Variants in FHL2 observed in about 807,000 individuals in gnomAD.
FHL2 encodes the protein four and a half LIM domains protein 2.
FHL2 carries 20 observed loss-of-function variants against 32.7 expected under a neutral mutation model. The observed-to-expected ratio is 0.61, with a 90% CI of 0.43 to 0.89. The LOEUF (loss-of-function observed/expected upper bound fraction) is 0.89, where lower values mean the gene tolerates loss of function less well. FHL2 is among the 40% of genes least tolerant of loss of function. The probability of loss-of-function intolerance (pLI) is 0.00; values close to 1 mark genes in which losing one functional copy is unlikely to be tolerated. For synonymous variants in FHL2, 123 were observed against 128.1 expected (o/e 0.96, Z 0.27); for missense variants, 311 against 358.6 (o/e 0.87, Z 1.07).
At chr2:105,370,283 G>T (rs1680954720) in intron 4 of FHL2, among the ~76,000 whole-genome samples, 1 of 152,050 alleles carries the variant, frequency 6.6e-6, no homozygotes, top group Non-Finnish European at 1.5e-5. Context: ...GCTGAGGTGG[G>T]AGGATCATTT....
At position 105,386,430 on chromosome 2, in the gene FHL2, C is replaced by G. The variant is rs201012689; in HGVS notation, c.87G>C (p.Val29=). Residue 29 remains valine, a synonymous_variant, in exon 3 of 7, where the codon GTG becomes GTC. Transcript: ENST00000530340. Reference sequence around the variant, plus strand: ...TGGCGAACAGGGTCTCAAAGCACACCACGCAGTAGGGGCTCTCCTCCCGCA... The same window carrying G: ...TGGCGAACAGGGTCTCAAAGCACACGACGCAGTAGGGGCTCTCCTCCCGCA... ...YILREESPYC[V]VCFETLFANT... 15 of 1,614,116 alleles carry G rather than the reference C, an allele frequency of 9.3e-6. No homozygotes were observed.
At chr2:105,417,197 C>T (rs1683958988) in intron 1 of FHL2, among the ~76,000 whole-genome samples, 2 of 151,190 alleles carry the variant, frequency 1.3e-5, no homozygotes, top group Admixed American at 6.6e-5. Context: ...TCCTGGCTAA[C>T]ACGGTGAAAC....
chr2:105,377,975 A>T (rs997359871), intron 3 of FHL2: 4 of 448,282 alleles, frequency 8.9e-6, no homozygotes, highest in African/African-American at 6.1e-5. Flanking sequence ...ATTTCTAGAA[A>T]ATTTGCCTTT....
intron 1 of FHL2, among the ~76,000 whole-genome samples, chr2:105,429,045 G>A (rs1051385043): frequency 1.2e-4 from 18 of 152,168 alleles, no homozygotes; most frequent in African/African-American, 2.4e-4. Flanking sequence ...AGCCTTTGGC[G>A]TCCTATACTG....
chr2:105,402,081 ATG>A (rs1491145847), upstream of FHL2, among the ~76,000 whole-genome samples: 6 of 149,256 alleles, frequency 4.0e-5, no homozygotes, highest in Non-Finnish European at 8.9e-5. Context: ...ACATGTATAT[ATG>A]TGTATATATA....
chr2:105,428,006 T>A (rs1684315479), intron 1 of FHL2, among the ~76,000 whole-genome samples: 1 of 152,240 alleles, frequency 6.6e-6, no homozygotes, highest in Non-Finnish European at 1.5e-5. Flanking sequence ...ACAGCCCATG[T>A]AAATTCACCT....
rs4619632 is a variant in FHL2, at chr2:105,382,716, C to A, written c.156+3645G>T. On this transcript the variant is annotated intron_variant, in intron 3 of 6. Coordinates refer to ENST00000530340, the MANE Select transcript of FHL2 (RefSeq NM_001318895.3). ...TTATTTTTTTTTTCTCTTTGTAGCA[C>A]CCTCCAAGCACATGGGTGGGTATGG... Among the ~76,000 whole-genome samples, 858 of 152,124 alleles carry A rather than the reference C, an allele frequency of 5.6e-3. 19 individuals carry two copies. Among genetic ancestry groups the A allele is most frequent in the Admixed American group, 0.045 (684 of 15,270 alleles).
intron 1 of FHL2, among the ~76,000 whole-genome samples, chr2:105,409,283 T>C (rs1008832670): frequency 2.0e-5 from 3 of 152,218 alleles, no homozygotes; most frequent in African/African-American, 4.8e-5. Context: ...GTGCAATTTA[T>C]ATGTGCAAAC....
At chr2:105,362,750 C>G (rs909945961) in intron 6 of FHL2, among the ~76,000 whole-genome samples, 2 of 152,188 alleles carry the variant, frequency 1.3e-5, no homozygotes, top group African/African-American at 4.8e-5. Context: ...AGTCCAGAAG[C>G]CTGGTCTGCC....
chr2:105,402,031 G>A (rs772840606), upstream of FHL2, among the ~76,000 whole-genome samples: 4 of 146,730 alleles, frequency 2.7e-5, no homozygotes, highest in African/African-American at 2.5e-5. Flanking sequence ...ATATATACAC[G>A]AATATATATA....
intron 1 of FHL2, among the ~76,000 whole-genome samples, chr2:105,430,857 C>T (rs1448989821): frequency 6.6e-6 from 1 of 152,176 alleles, no homozygotes; most frequent in Admixed American, 6.5e-5. Context: ...GCAGACAGGC[C>T]TTGCTGGGGT....
intron 1 of FHL2, among the ~76,000 whole-genome samples, chr2:105,428,390 A>G (rs892571859): frequency 6.6e-6 from 1 of 152,038 alleles, no homozygotes; most frequent in Non-Finnish European, 1.5e-5. Context: ...CTGCAACCCC[A>G]CTTCTTTTGT....
At chr2:105,360,109 A>C (rs1680154284), downstream of FHL2, 1 of 152,102 alleles carries the variant, frequency 6.6e-6, no homozygotes, top group Non-Finnish European at 1.5e-5. Context: ...GTTCAAGACC[A>C]GCCTAACATG....
intron 3 of FHL2, among the ~76,000 whole-genome samples, chr2:105,383,001 T>A (rs1358198094): frequency 6.6e-6 from 1 of 152,254 alleles, no homozygotes; most frequent in Non-Finnish European, 1.5e-5. Flanking sequence ...TTCTCCTGCC[T>A]CAGCCTCCCA....
At chr2:105,381,929 G>A (rs1030659088) in intron 3 of FHL2, among the ~76,000 whole-genome samples, 2 of 152,088 alleles carry the variant, frequency 1.3e-5, no homozygotes, top group Non-Finnish European at 1.5e-5. Flanking sequence ...GTTACACCGA[G>A]GACAGAAGGG....
chr2:105,383,649 A>C (rs992500442), intron 3 of FHL2, among the ~76,000 whole-genome samples: 5 of 152,192 alleles, frequency 3.3e-5, no homozygotes, highest in African/African-American at 9.6e-5. Context: ...TTAAGAGAAG[A>C]GATTGGCCAC....
chr2:105,400,920 A>G (rs1683443128), upstream of FHL2, among the ~76,000 whole-genome samples: 1 of 152,048 alleles, frequency 6.6e-6, no homozygotes, highest in Non-Finnish European at 1.5e-5. Context: ...GTCATTCGAT[A>G]GGGTCAGTAA....
chr2:105,422,262 C>T (rs1482687579), intron 1 of FHL2, among the ~76,000 whole-genome samples: 5 of 152,164 alleles, frequency 3.3e-5, no homozygotes, highest in Non-Finnish European at 2.9e-5. Flanking sequence ...GTGAGAATGG[C>T]AAGAACTCCC....
chr2:105,363,215 A>G, intron 6 of FHL2, 70 bp downstream of exon 6: 1 of 1,496,874 alleles, frequency 6.7e-7, no homozygotes, highest in Non-Finnish European at 9.2e-7. Context: ...AGACAGGGTC[A>G]CAGGCTAAAA....
Sources: gnomAD v4.1 joint callset for allele counts (sites outside exome capture counted in the v4.1 genomes callset) on GRCh38, gnomAD v4.1.1 for gene constraint, MANE v1.5 for transcripts, NCBI Gene and HGNC (gene_info 2026-07-23, HGNC 2026-07-21) for gene names.